Variants in COQ2 observed in about 807,000 individuals in gnomAD.
The protein encoded by COQ2 is coenzyme Q2, polyprenyltransferase, also known as 4-hydroxybenzoate polyprenyltransferase, mitochondrial.
In COQ2, 25 loss-of-function variants were observed where a neutral mutation model predicts 35.7. The observed-to-expected ratio is 0.70, with a 90% confidence interval of 0.51 to 0.98. The LOEUF (loss-of-function observed/expected upper bound fraction) is 0.98, where lower values mean the gene tolerates loss of function less well. Ranked by LOEUF, COQ2 falls within the 50% of genes least tolerant of loss-of-function variation. COQ2 has a pLI of 0.00. For missense variants in COQ2, 488 were observed against 473.5 expected (o/e 1.03, Z -0.28); for synonymous variants, 206 against 186.2 (o/e 1.11, Z -0.86).
At chr4:83,273,174 T>TTATA (rs1481138205) in intron 3 of COQ2, among the ~76,000 whole-genome samples, 2 of 66,740 alleles carry the variant, frequency 3.0e-5, no homozygotes, top group African/African-American at 1.2e-4. Context: ...ATAAATAAAA[T>TTATA]TATATATGTG....
At chr4:83,274,043 CT>C (rs1203157809) in intron 2 of COQ2, among the ~76,000 whole-genome samples, 1 of 150,392 alleles carries the variant, frequency 6.6e-6, no homozygotes, top group Non-Finnish European at 1.5e-5. Context: ...GTAGCCCCAG[CT>C]ATTGGGGAGG....
chr4:83,272,308 T>C lies in COQ2; in HGVS notation c.543-136A>G, dbSNP rs560792469. 1.8e-3 allele frequency: 883 copies of C among 494,636 alleles called. 6 individuals carry two copies. Among genetic ancestry groups the C allele is most frequent in the South Asian group, 3.1e-3 (105 of 33,870 alleles). 30.6% of individuals were successfully genotyped at this position (494,636 alleles called of 1,614,324 possible). A position where few individuals can be genotyped will look rare whatever the true frequency, so the allele number is the denominator to read the frequency against. ...TAAATTATATTTTATGTAAGTTATC[T>C]TCCTAGCCTTCGACTTTCCCTATTA... On this transcript the variant is annotated intron_variant, in intron 3 of 6. Transcript: ENST00000647002.
chr4:83,268,440 T>C lies in COQ2; in HGVS notation c.763-666A>G, dbSNP rs538340385. 8.9e-4 allele frequency among the ~76,000 whole-genome samples: 135 copies of C among 152,358 alleles called. No individual in the cohort carries two copies. The Middle Eastern group carries it at 0.01, about 12-fold the overall frequency. ...TGGTCACGTAGTATCAGTGGCTGTA[T>C]GCTGAACTCTCTGCACTGACCTACC... On this transcript the variant is annotated intron_variant, in intron 5 of 6. Coordinates refer to ENST00000647002, the MANE Select transcript of COQ2 (RefSeq NM_001358921.2).
intron 2 of COQ2, among the ~76,000 whole-genome samples, chr4:83,278,501 A>G (rs1249946236): frequency 6.6e-6 from 1 of 152,258 alleles, no homozygotes; most frequent in Non-Finnish European, 1.5e-5. Flanking sequence ...AAAAATGGGT[A>G]AAGTTATGTT....
Position 83,269,779 on chromosome 4 carries a change from G to GA in COQ2, c.762+80dup, listed in dbSNP as rs2126172342. On this transcript the variant is annotated intron_variant, in intron 5 of 6. Coordinates refer to ENST00000647002, the MANE Select transcript of COQ2 (RefSeq NM_001358921.2). ...TCTTAAAAAACAACAACAAATTTTA[G>GA]AAAAAAATGCTTTCTCCTTAATTTG... 8 of 1,196,182 alleles carry GA rather than the reference G, an allele frequency of 6.7e-6. No individual in the cohort carries two copies. In the South Asian group the frequency reaches 1.6e-4, roughly 24 times the overall value. The allele number at this position is 1,196,182 out of a possible 1,614,324, so 74.1% of individuals were successfully genotyped here. A position where few individuals can be genotyped will look rare whatever the true frequency, so the allele number is the denominator to read the frequency against.
chr4:83,267,625 G>A lies in COQ2; in HGVS notation c.912C>T (p.Tyr304=), dbSNP rs764986740. 2.1e-5 allele frequency: 33 copies of A among 1,585,942 alleles called. No individual in the cohort carries two copies. Among genetic ancestry groups the A allele is most frequent in the Middle Eastern group, 1.7e-4 (1 of 6,044 alleles). The change falls in exon 6 of 7, where the codon TAC becomes TAT. Residue 304 remains tyrosine (Y), a synonymous_variant. Coordinates refer to ENST00000647002, the MANE Select transcript of COQ2 (RefSeq NM_001358921.2). ...GVNSGQTAPY[Y]AALGAVGAHL... ...GGGCTCCTACAGCACCCAGGGCAGCGTAGTAGGGAGCAGTCTGTCCACTGT... is the reference window on the plus strand; with the variant it reads ...GGGCTCCTACAGCACCCAGGGCAGCATAGTAGGGAGCAGTCTGTCCACTGT...
At chr4:83,275,879 T>C (rs1478100256) in intron 2 of COQ2, among the ~76,000 whole-genome samples, 3 of 151,516 alleles carry the variant, frequency 2.0e-5, no homozygotes, top group Admixed American at 6.6e-5. Context: ...CTATTTTTCA[T>C]TTTCTGGAAG....
chr4:83,276,831 T>C (rs1172856715), intron 2 of COQ2, among the ~76,000 whole-genome samples: 1 of 152,112 alleles, frequency 6.6e-6, no homozygotes, highest in African/African-American at 2.4e-5. Flanking sequence ...AAAAATGTGG[T>C]ATATATACAC....
chr4:83,264,233 GT>G lies in COQ2; in HGVS notation c.1081del (p.Thr361GlnfsTer5). On this transcript the variant is annotated frameshift_variant, in exon 7 of 7. Coordinates refer to ENST00000647002, the MANE Select transcript of COQ2 (RefSeq NM_001358921.2). LOFTEE classifies it high-confidence loss of function. Reference protein sequence around the residue: ...NLWKEKKTDKTKKGIENKIEN With the variant: ...NLWKEKKTDKXKKGIENKIEN ...TATTTTATTCTCTATACCCTTCTTT[GT>G]TTTGTCTGTCTTCTTTTCTTTCCAC... The G allele has an allele frequency of 6.3e-7, 1 of 1,574,956 alleles. No homozygotes were observed.
At chr4:83,268,068 T>C (rs1478800845) in intron 5 of COQ2, among the ~76,000 whole-genome samples, 1 of 152,222 alleles carries the variant, frequency 6.6e-6, no homozygotes, top group Admixed American at 6.5e-5. Flanking sequence ...TACACCATTA[T>C]ATTTGTTATA....
intron 2 of COQ2, among the ~76,000 whole-genome samples, chr4:83,278,160 T>C (rs2126175137): frequency 6.6e-6 from 1 of 152,282 alleles, no homozygotes; most frequent in African/African-American, 2.4e-5. Flanking sequence ...AATGTGGGTT[T>C]CTTTTAAAAT....
Position 83,264,436 on chromosome 4 carries a change from C to T in COQ2, c.952-73G>A. Reference sequence around the variant, plus strand: ...GGGTCATAACAAATAAACATGTTAACACGGAGGAGAAAACAGCAAATACAA... The same window carrying T: ...GGGTCATAACAAATAAACATGTTAATACGGAGGAGAAAACAGCAAATACAA... On this transcript the variant is annotated intron_variant, in intron 6 of 6. Transcript: ENST00000647002. 7 of 1,480,630 alleles carry T rather than the reference C, an allele frequency of 4.7e-6. No homozygotes were observed. In the South Asian group the frequency reaches 1.0e-4, roughly 22 times the overall value. The allele number at this position is 1,480,630 out of a possible 1,614,324, so 91.7% of individuals were successfully genotyped here.
chr4:83,284,379 C>G (rs545374631), intron 1 of COQ2, 133 bp downstream of exon 1: 50 of 1,409,790 alleles, frequency 3.5e-5, no homozygotes, highest in Admixed American at 3.1e-5. Flanking sequence ...GCGCACGGCA[C>G]CCGGCAGCCA....
At chr4:83,272,042 G>T in intron 4 of COQ2, 45 bp downstream of exon 4, 1 of 1,253,040 alleles carries the variant, frequency 8.0e-7, no homozygotes, top group Non-Finnish European at 1.1e-6. Context: ...TAAAAGTGTA[G>T]TTTGCAAATA....
At position 83,267,615 on chromosome 4, in the gene COQ2, C is replaced by T; in HGVS notation, c.922G>A (p.Gly308Ser). The change falls in exon 6 of 7, where the codon GGT becomes AGT. Residue 308 changes from glycine (G) to serine (S), a missense_variant. Physicochemically the swap from Gly to Ser is moderately conservative, Grantham distance 56. Coordinates refer to ENST00000647002, the MANE Select transcript of COQ2 (RefSeq NM_001358921.2). ...GQTAPYYAAL[G>S]AVGAHLTHQI... ...TGAGTCAGATGGGCTCCTACAGCAC[C>T]CAGGGCAGCGTAGTAGGGAGCAGTC... 1.3e-6 allele frequency: 2 copies of T among 1,586,448 alleles called. No homozygotes were observed. Among genetic ancestry groups the T allele is most frequent in the South Asian group, 1.2e-5 (1 of 86,412 alleles).
intron 2 of COQ2, among the ~76,000 whole-genome samples, chr4:83,274,455 A>G (rs1301248575): frequency 1.3e-5 from 2 of 152,330 alleles, no homozygotes; most frequent in East Asian, 3.9e-4. Flanking sequence ...TTGGCTTCCC[A>G]AAGTGGCAGG....
chr4:83,284,138 A>G, intron 1 of COQ2: 1 of 985,460 alleles, frequency 1.0e-6, no homozygotes, highest in Non-Finnish European at 1.2e-6. Context: ...GGGCCACGAG[A>G]ACGGAACCTT....
chr4:83,267,896 C>T, intron 5 of COQ2, 122 bp from the exon 6 acceptor site: 2 of 723,538 alleles, frequency 2.8e-6, no homozygotes, highest in South Asian at 2.0e-5. Flanking sequence ...CAACCAATTA[C>T]CACTAACTAC....
Position 83,273,595 on chromosome 4 carries a change from G to A in COQ2, c.443C>T (p.Pro148Leu). Residue 148 changes from proline (P) to leucine (L), a missense_variant, in exon 3 of 7, where the codon CCA becomes CTA. By Grantham distance (98) the Pro-to-Leu change is moderately conservative. Coordinates refer to ENST00000647002, the MANE Select transcript of COQ2 (RefSeq NM_001358921.2). ...AGTTGAAATGTCTCCAGCGGCTATTGGACGATTGGCTGTTCTTGTAACCTT... is the reference window on the plus strand; with the variant it reads ...AGTTGAAATGTCTCCAGCGGCTATTAGACGATTGGCTGTTCTTGTAACCTT... ...DKKVTRTANR[P>L]IAAGDISTFQ... The A allele has an allele frequency of 6.2e-7, 1 of 1,613,376 alleles. No individual in the cohort carries two copies. The highest frequency in any genetic ancestry group is 8.5e-7 in the Non-Finnish European group (1 of 1,179,634).
Sources: gnomAD v4.1 joint callset for allele counts (sites outside exome capture counted in the v4.1 genomes callset) on GRCh38, gnomAD v4.1.1 for gene constraint, MANE v1.5 for transcripts, NCBI Gene and HGNC (gene_info 2026-07-23, HGNC 2026-07-21) for gene names.